The following TRAF3IP1 variants were observed in gnomAD, a reference collection of about 807,000 sequenced individuals.
The protein encoded by TRAF3IP1 is intraflagellar transport 54, also known as TRAF3-interacting protein 1.
TRAF3IP1 carries 53 observed loss-of-function variants against 89.9 expected under a neutral mutation model. That is an observed-to-expected ratio of 0.59 (90% CI 0.47 to 0.74). The LOEUF (loss-of-function observed/expected upper bound fraction) is 0.74. Among genes scored for constraint, TRAF3IP1 ranks in the 30% least tolerant of loss-of-function variants. The pLI is 0.00. For missense variants in TRAF3IP1, 806 were observed against 866.1 expected (o/e 0.93, Z 0.87); for synonymous variants, 311 against 322.1 (o/e 0.97, Z 0.37).
At chr2:238,336,500 T>C (rs1698395460) in intron 7 of TRAF3IP1, among the ~76,000 whole-genome samples, 1 of 152,112 alleles carries the variant, frequency 6.6e-6, no homozygotes, top group Non-Finnish European at 1.5e-5. Flanking sequence ...TGAATGAGAC[T>C]TTACTACAGG....
At chr2:238,359,323 C>A (rs1699562162) in intron 15 of TRAF3IP1, among the ~76,000 whole-genome samples, 1 of 152,186 alleles carries the variant, frequency 6.6e-6, no homozygotes, top group Non-Finnish European at 1.5e-5. Context: ...TGTCATGTGC[C>A]CTTGGTGAGC....
intron 15 of TRAF3IP1, among the ~76,000 whole-genome samples, chr2:238,362,521 C>A (rs988053780): frequency 2.0e-5 from 3 of 152,174 alleles, no homozygotes; most frequent in African/African-American, 7.2e-5. Flanking sequence ...GGGTGCCTCA[C>A]AGGCCAGCAT....
chr2:238,397,608 C>T lies in TRAF3IP1; in HGVS notation c.1839C>T (p.Ala613=), dbSNP rs776937930. 9 of 1,612,804 alleles carry T rather than the reference C, an allele frequency of 5.6e-6. No individual in the cohort carries two copies. In the East Asian group the frequency reaches 2.0e-4, roughly 36 times the overall value. The part of the protein sequence containing the change: ...IMDYIQEDVD[A]MQNELQMWHS... ...ACTACATCCAGGAAGACGTGGATGC[C>T]ATGCAGAATGAGCTGCAGATGTGGC... The change falls in exon 16 of 17, where the codon GCC becomes GCT. Residue 613 remains alanine, a synonymous_variant. Transcript: ENST00000373327.
rs61742338 is a variant in TRAF3IP1 at position 238,328,747 on chromosome 2, G to A, written c.416G>A (p.Arg139Gln). The change falls in exon 4 of 17, where the codon CGG (arginine) becomes CAG (glutamine). Residue 139 changes from arginine (R) to glutamine (Q), a missense_variant. Coordinates refer to ENST00000373327, the MANE Select transcript of TRAF3IP1 (RefSeq NM_015650.4). ...LAGEKGEVKGRASLTSRSQEL... is the reference protein window; with the variant it reads ...LAGEKGEVKGQASLTSRSQEL... Reference sequence around the variant, plus strand: ...GGAGAGAAGGGAGAAGTGAAAGGCCGGGCCTCACTGACCTCAAGATCTCAG... The same window carrying A: ...GGAGAGAAGGGAGAAGTGAAAGGCCAGGCCTCACTGACCTCAAGATCTCAG... 54,664 of 1,613,950 alleles carry A rather than the reference G, an allele frequency of 0.034. 1,053 individuals carry two copies. Among genetic ancestry groups the A allele is most frequent in the Non-Finnish European group, 0.039 (46,388 of 1,179,970 alleles).
At chr2:238,350,855 A>G (rs1452645704) in intron 12 of TRAF3IP1, among the ~76,000 whole-genome samples, 1 of 152,102 alleles carries the variant, frequency 6.6e-6, no homozygotes, top group Non-Finnish European at 1.5e-5. Context: ...TGTATTAAAC[A>G]GGGCTCGGCT....
At chr2:238,376,531 G>A (rs1197308829) in intron 15 of TRAF3IP1, among the ~76,000 whole-genome samples, 3 of 152,126 alleles carry the variant, frequency 2.0e-5, no homozygotes, top group Non-Finnish European at 4.4e-5. Context: ...ATTGAGTGCC[G>A]TGAAAAACCC....
chr2:238,381,261 G>C (rs990451646), intron 15 of TRAF3IP1, among the ~76,000 whole-genome samples: 5 of 151,924 alleles, frequency 3.3e-5, no homozygotes, highest in African/African-American at 1.2e-4. Context: ...ATAAAAATGG[G>C]GCAAAAACCA....
chr2:238,396,755 C>T (rs764640146), intron 15 of TRAF3IP1, among the ~76,000 whole-genome samples: 2 of 152,200 alleles, frequency 1.3e-5, no homozygotes, highest in Non-Finnish European at 2.9e-5. Context: ...CTCCTCACCT[C>T]CTTCACCTGC....
intron 8 of TRAF3IP1, among the ~76,000 whole-genome samples, chr2:238,339,483 C>T (rs565436075): frequency 6.6e-6 from 1 of 152,378 alleles, no homozygotes; most frequent in East Asian, 1.9e-4. Context: ...ACACTGCAAT[C>T]CTGCACTGCA....
At chr2:238,347,747 C>A (rs1344702205) in intron 10 of TRAF3IP1, among the ~76,000 whole-genome samples, 3 of 152,100 alleles carry the variant, frequency 2.0e-5, no homozygotes, top group African/African-American at 7.2e-5. Flanking sequence ...CCTGCCTCAG[C>A]CTCCTGAGTA....
chr2:238,335,769 T>TATTTATTA (rs1698359075), intron 7 of TRAF3IP1, among the ~76,000 whole-genome samples: 1 of 7,558 alleles, frequency 1.3e-4, no homozygotes, highest in Non-Finnish European at 3.1e-4. Context: ...TATTTTATTT[T>TATTTATTA]ATTTATTTAT....
intron 8 of TRAF3IP1, among the ~76,000 whole-genome samples, chr2:238,342,697 T>G (rs1299836627): frequency 1.3e-5 from 2 of 152,216 alleles, no homozygotes; most frequent in Non-Finnish European, 2.9e-5. Context: ...TAGATTTTTT[T>G]TTGTTAAGAA....
At chr2:238,340,367 T>C (rs189346002) in intron 8 of TRAF3IP1, among the ~76,000 whole-genome samples, 18 of 152,254 alleles carry the variant, frequency 1.2e-4, no homozygotes, top group Admixed American at 9.8e-4. Context: ...CGAAGAAAAG[T>C]CCATGTTGTC....
rs1418501139 is a variant in TRAF3IP1, at chr2:238,351,738, A to C, written c.1452-1089A>C. Reference sequence around the variant, plus strand: ...AAGGACCCAGTTGAGGAAGTCGAGGATGTTTGGGGCAATGGGTGTTATTTT... The same window carrying C: ...AAGGACCCAGTTGAGGAAGTCGAGGCTGTTTGGGGCAATGGGTGTTATTTT... On this transcript the variant is annotated intron_variant, in intron 12 of 16. Coordinates refer to ENST00000373327, the MANE Select transcript of TRAF3IP1 (RefSeq NM_015650.4). The surrounding 1 kb of genome is among the most constrained non-coding windows in gnomAD (Gnocchi z 5.2). 6.6e-6 allele frequency among the ~76,000 whole-genome samples: 1 copy of C among 151,894 alleles called. No individual in the cohort carries two copies. Among genetic ancestry groups the C allele is most frequent in the Non-Finnish European group, 1.5e-5 (1 of 67,968 alleles).
chr2:238,331,892 T>C lies in TRAF3IP1; in HGVS notation c.916-932T>C, dbSNP rs572826086. Among the ~76,000 whole-genome samples the C allele has an allele frequency of 2.4e-4, 37 of 152,342 alleles. No homozygotes were observed. The South Asian group carries it at 6.8e-3, about 28-fold the overall frequency. ...CAGTCATTCTTTGTCCTCTTCCCCA[T>C]TTTATTTCTGTCTAGTAGAGAGGCT... On this transcript the variant is annotated intron_variant, in intron 5 of 16. Coordinates refer to ENST00000373327, the MANE Select transcript of TRAF3IP1 (RefSeq NM_015650.4).
Position 238,351,866 on chromosome 2 carries a change from T to TGTGCGC in TRAF3IP1, c.1452-960_1452-959insTGCGCG, listed in dbSNP as rs1421537563. ...GTGTGTGTGTGTGTGTGTGTGTGTG[T>TGTGCGC]GCGCGCGCGCGCGTGTGCGTGCATG... On this transcript the variant is annotated intron_variant, in intron 12 of 16. Transcript: ENST00000373327. This position sits in a 1 kb window ranked among gnomAD's most constrained non-coding sequence, Gnocchi z 5.2. 1.1e-4 allele frequency among the ~76,000 whole-genome samples: 14 copies of TGTGCGC among 128,246 alleles called. No individual in the cohort carries two copies. The East Asian group carries it at 1.4e-3, about 13-fold the overall frequency. 84.1% of individuals were successfully genotyped at this position (128,246 alleles called of 152,430 possible).
intron 11 of TRAF3IP1, 151 bp downstream of exon 11, chr2:238,348,999 T>C (rs1280701482): frequency 1.4e-6 from 1 of 691,502 alleles, no homozygotes; most frequent in Non-Finnish European, 2.5e-6. Flanking sequence ...ATATCAGTTT[T>C]CTGTACTGGA....
intron 8 of TRAF3IP1, 85 bp from the exon 9 acceptor site, chr2:238,344,412 A>T: frequency 9.8e-7 from 1 of 1,022,334 alleles, no homozygotes. Context: ...TAGATAAGTA[A>T]GTGTGCTCTA....
At chr2:238,395,555 T>C (rs1196075273) in intron 15 of TRAF3IP1, among the ~76,000 whole-genome samples, 4 of 151,948 alleles carry the variant, frequency 2.6e-5, no homozygotes, top group Admixed American at 2.6e-4. Context: ...ACTAAAGAGC[T>C]TCTGCACAGC....
Sources: gnomAD v4.1 joint callset for allele counts (sites outside exome capture counted in the v4.1 genomes callset) on GRCh38, gnomAD v4.1.1 for gene constraint, Gnocchi (gnomAD v3.1) non-coding constraint, MANE v1.5 for transcripts, NCBI Gene and HGNC (gene_info 2026-07-23, HGNC 2026-07-21) for gene names.